LIPA: variants seen among roughly 807,000 people sequenced by gnomAD.
The protein encoded by LIPA is lysosomal acid lipase/cholesteryl ester hydrolase.
A neutral mutation model predicts 40.6 loss-of-function variants in LIPA; 26 were observed. That is an observed-to-expected ratio of 0.64 (90% CI 0.47 to 0.89). LIPA has a LOEUF of 0.89. Ranked by LOEUF, LIPA falls within the 40% of genes least tolerant of loss-of-function variation. The pLI is 0.00. For synonymous variants in LIPA, 188 were observed against 168.4 expected (o/e 1.12, Z -0.90); for missense variants, 455 against 479.6 (o/e 0.95, Z 0.48).
At chr10:89,382,702 G>C (rs1391383623) in intron 2 of LIPA, among the ~76,000 whole-genome samples, 1 of 152,182 alleles carries the variant, frequency 6.6e-6, no homozygotes. Flanking sequence ...CTTGTGAGGT[G>C]GTTCCACCCA....
At chr10:89,286,155 G>C (rs532602976) in intron 1 of LIPA, among the ~76,000 whole-genome samples, 1 of 152,086 alleles carries the variant, frequency 6.6e-6, no homozygotes, top group African/African-American at 2.4e-5. Flanking sequence ...GGTGCCTGAC[G>C]TCCAGGCATT....
intron 1 of LIPA, chr10:89,339,831 A>T: frequency 6.2e-7 from 1 of 1,614,224 alleles, no homozygotes; most frequent in Non-Finnish European, 8.5e-7. Context: ...GCAAAAAATC[A>T]ACTGACAAGG....
intron 1 of LIPA, among the ~76,000 whole-genome samples, chr10:89,268,769 G>A (rs4934461): frequency 0.21 from 31,093 of 151,302 alleles, 4,311 homozygotes; most frequent in African/African-American, 0.4. Flanking sequence ...GGTGGATCAC[G>A]AGGCCAGGAG....
chr10:89,386,970 TGTGA>T (rs60194120), intron 2 of LIPA, among the ~76,000 whole-genome samples: 1,398 of 80,868 alleles, frequency 0.017, 21 homozygotes, highest in African/African-American at 0.059. Flanking sequence ...TGTGTGTGTG[TGTGA>T]GAGAGAGAGA....
intron 3 of LIPA, 81 bp downstream of exon 3, chr10:89,245,594 GT>G (rs1843012944): frequency 1.3e-6 from 1 of 791,856 alleles, no homozygotes; most frequent in African/African-American, 1.7e-5. Flanking sequence ...CCATTTCAAT[GT>G]TTTTAAGTTA....
At chr10:89,339,476 A>T (rs1022000234) in intron 1 of LIPA, 1 of 1,614,090 alleles carries the variant, frequency 6.2e-7, no homozygotes, top group African/African-American at 1.3e-5. Context: ...ACACCAAACA[A>T]TGGCTACCTC....
At chr10:89,349,427 A>G (rs2133585407) in intron 2 of LIPA, among the ~76,000 whole-genome samples, 1 of 152,294 alleles carries the variant, frequency 6.6e-6, no homozygotes, top group South Asian at 2.1e-4. Context: ...ATAAGTTTGT[A>G]TACCTTTTGT....
chr10:89,231,094 T>G (rs1297216296), intron 3 of LIPA, among the ~76,000 whole-genome samples: 2 of 152,114 alleles, frequency 1.3e-5, no homozygotes, highest in Non-Finnish European at 2.9e-5. Context: ...TAGAAAAGCT[T>G]ATACCTTGCA....
chr10:89,310,827 G>C (rs2133526083), intron 1 of LIPA, among the ~76,000 whole-genome samples: 1 of 152,288 alleles, frequency 6.6e-6, no homozygotes, highest in South Asian at 2.1e-4. Flanking sequence ...TGAAAAGGAG[G>C]CTACCAAACA....
chr10:89,230,558 G>A (rs1842828048), intron 3 of LIPA, among the ~76,000 whole-genome samples: 2 of 152,116 alleles, frequency 1.3e-5, no homozygotes, highest in African/African-American at 2.4e-5. Context: ...CACCCACCTC[G>A]GCTTCCCAAA....
chr10:89,261,832 A>G (rs986195115), intron 1 of LIPA, among the ~76,000 whole-genome samples: 5 of 152,138 alleles, frequency 3.3e-5, no homozygotes, highest in Admixed American at 1.3e-4. Context: ...CTGTCTCTCT[A>G]TTGCTGCCCT....
intron 1 of LIPA, among the ~76,000 whole-genome samples, chr10:89,329,168 CA>C (rs1249847112): frequency 6.6e-6 from 1 of 152,146 alleles, no homozygotes; most frequent in African/African-American, 2.4e-5. Context: ...ATCGACCATT[CA>C]GGGGGGCAGA....
At chr10:89,393,264 C>T in intron 2 of LIPA, 3 of 1,289,748 alleles carry the variant, frequency 2.3e-6, no homozygotes, top group Non-Finnish European at 3.0e-6. Flanking sequence ...CACTGCTGGC[C>T]TCTTACAACA....
intron 2 of LIPA, among the ~76,000 whole-genome samples, chr10:89,387,784 A>C (rs1844220611): frequency 6.6e-6 from 1 of 152,246 alleles, no homozygotes. Context: ...GGGTGGATAG[A>C]GAAATGAGTG....
At chr10:89,373,161 G>A (rs1378731744) in intron 2 of LIPA, among the ~76,000 whole-genome samples, 4 of 151,696 alleles carry the variant, frequency 2.6e-5, no homozygotes, top group African/African-American at 4.8e-5. Context: ...GTGAAACCCC[G>A]TCTCTACTAA....
intron 2 of LIPA, among the ~76,000 whole-genome samples, chr10:89,350,641 G>T (rs754692066): frequency 6.6e-6 from 1 of 151,890 alleles, no homozygotes; most frequent in Non-Finnish European, 1.5e-5. Flanking sequence ...CAGGGGGTTG[G>T]GGGGAGATCT....
chr10:89,225,296 G>A (rs1842754403), intron 5 of LIPA, 68 bp from the exon 6 acceptor site: 5 of 1,597,438 alleles, frequency 3.1e-6, no homozygotes, highest in Admixed American at 1.7e-5. Context: ...AAACACAAAG[G>A]CCGTCACTCG....
chr10:89,273,608 GC>G (rs943686236), intron 1 of LIPA, among the ~76,000 whole-genome samples: 56 of 152,342 alleles, frequency 3.7e-4, no homozygotes, highest in African/African-American at 1.3e-3. Context: ...GCTGTGAGGA[GC>G]CTGCTAGGGA....
intron 1 of LIPA, among the ~76,000 whole-genome samples, chr10:89,320,088 A>G (rs1017447452): frequency 2.6e-5 from 4 of 152,204 alleles, no homozygotes; most frequent in African/African-American, 9.7e-5. Context: ...AGAGCTATTT[A>G]TGACAAACCC....
Sources: allele counts gnomAD v4.1 joint callset (sites outside exome capture counted in the v4.1 genomes callset), GRCh38; gene constraint gnomAD v4.1.1; transcripts MANE v1.5; gene names NCBI Gene and HGNC (gene_info 2026-07-23, HGNC 2026-07-21).